The following PPP2R5D variants were observed in gnomAD, a reference collection of about 807,000 sequenced individuals.
PPP2R5D encodes serine/threonine-protein phosphatase 2A 56 kDa regulatory subunit delta isoform.
A neutral mutation model predicts 79.1 loss-of-function variants in PPP2R5D; 12 were observed. That is an observed-to-expected ratio of 0.15 (90% CI 0.10 to 0.25). The LOEUF is 0.25. Ranked by LOEUF, PPP2R5D falls within the 10% of genes least tolerant of loss-of-function variation. PPP2R5D has a pLI of 1.00. For synonymous variants in PPP2R5D, 277 were observed against 286.6 expected (o/e 0.97, Z 0.34); for missense variants, 419 against 760.2 (o/e 0.55, Z 5.28).
At chr6:42,991,969 G>A (rs1414717194) in intron 2 of PPP2R5D, among the ~76,000 whole-genome samples, 2 of 152,194 alleles carry the variant, frequency 1.3e-5, no homozygotes, top group Non-Finnish European at 2.9e-5. Flanking sequence ...TTGTAGAAAT[G>A]TACCCACGTC....
At chr6:42,998,802 A>C (rs1489203191) in intron 2 of PPP2R5D, among the ~76,000 whole-genome samples, 2 of 152,220 alleles carry the variant, frequency 1.3e-5, no homozygotes, top group African/African-American at 4.8e-5. Context: ...TGGGAGGCTG[A>C]GGCAGGCAGA....
intron 2 of PPP2R5D, among the ~76,000 whole-genome samples, chr6:42,992,137 G>C (rs1259151183): frequency 1.3e-5 from 2 of 152,138 alleles, no homozygotes; most frequent in Non-Finnish European, 2.9e-5. Flanking sequence ...TTGGCTCACT[G>C]CAAGTTCCAT....
chr6:42,989,829 G>A, intron 2 of PPP2R5D, 141 bp downstream of exon 2: 1 of 764,460 alleles, frequency 1.3e-6, no homozygotes, highest in Non-Finnish European at 2.1e-6. Flanking sequence ...AGCCCATCCA[G>A]ACTGCCCTCA....
intron 2 of PPP2R5D, among the ~76,000 whole-genome samples, chr6:42,991,396 T>C (rs766049054): frequency 1.3e-5 from 2 of 152,206 alleles, no homozygotes; most frequent in South Asian, 2.1e-4. Flanking sequence ...AGTTCTTAGA[T>C]GGGATGTCGT....
At chr6:42,988,115 A>G (rs3828758) in intron 1 of PPP2R5D, among the ~76,000 whole-genome samples, 44,611 of 151,666 alleles carry the variant, frequency 0.29, 10,410 homozygotes, top group African/African-American at 0.65. Context: ...CTTCCTCCCC[A>G]CCTCCAAGAA....
At chr6:42,994,196 A>G (rs1771471516) in intron 2 of PPP2R5D, among the ~76,000 whole-genome samples, 1 of 152,196 alleles carries the variant, frequency 6.6e-6, no homozygotes, top group South Asian at 2.1e-4. Context: ...AGACTGAGGC[A>G]GGAGAATTGC....
Position 43,008,271 on chromosome 6 carries a change from G to A in PPP2R5D, c.917+11G>A, listed in dbSNP as rs755243916. ...GGAGATCCTGGGCAGGTGAGAGGCC[G>A]GGTGGGGGCACAGATGCCTGAAAAA... On this transcript the variant is annotated intron_variant, in intron 8 of 15. Transcript: ENST00000485511. The surrounding 1 kb of genome is among the most constrained non-coding windows in gnomAD (Gnocchi z 4.2). The A allele has an allele frequency of 1.7e-5, 28 of 1,614,050 alleles. No individual in the cohort carries two copies. The highest frequency in any genetic ancestry group is 1.6e-4 in the Middle Eastern group (1 of 6,082).
Position 43,006,792 on chromosome 6 carries a change from G to C in PPP2R5D, c.322+113G>C. ...GGGAAGGGAGTTCCAGAGAATGCGG[G>C]AAGGGGGTGCCAGGGAGCAGGATGG... is the stretch of plus-strand genomic sequence containing the variant. On this transcript the variant is annotated intron_variant, in intron 3 of 15. Transcript: ENST00000485511. The surrounding 1 kb of genome is among the most constrained non-coding windows in gnomAD (Gnocchi z 4.7). 1 of 1,573,092 alleles carries C rather than the reference G, an allele frequency of 6.4e-7. No individual in the cohort carries two copies. Among genetic ancestry groups the C allele is most frequent in the Non-Finnish European group, 8.7e-7 (1 of 1,153,986 alleles).
At chr6:42,994,924 C>G (rs1771535343) in intron 2 of PPP2R5D, among the ~76,000 whole-genome samples, 1 of 152,020 alleles carries the variant, frequency 6.6e-6, no homozygotes, top group South Asian at 2.1e-4. Context: ...CACACTTCAG[C>G]TTGTCCTCTC....
At chr6:43,004,560 C>G (rs186121165) in intron 2 of PPP2R5D, among the ~76,000 whole-genome samples, 41 of 119,978 alleles carry the variant, frequency 3.4e-4, no homozygotes, top group Non-Finnish European at 3.4e-5. Context: ...ACATTGGATT[C>G]TTTTCCTACT....
In PPP2R5D at chr6:43,008,578, G is replaced by A. The variant is rs1200234244; in HGVS notation, c.1026+103G>A. 2.5e-5 allele frequency: 37 copies of A among 1,478,828 alleles called. No homozygotes were observed. Among genetic ancestry groups the A allele is most frequent in the Middle Eastern group, 3.4e-4 (2 of 5,814 alleles). The allele number at this position is 1,478,828 out of a possible 1,614,324, so 91.6% of individuals were successfully genotyped here. On this transcript the variant is annotated intron_variant, in intron 9 of 15. Coordinates refer to ENST00000485511, the MANE Select transcript of PPP2R5D (RefSeq NM_006245.4). This position sits in a 1 kb window ranked among gnomAD's most constrained non-coding sequence, Gnocchi z 4.2. The stretch of plus-strand genomic sequence containing the variant: ...TAGGGGAAGCATAGGGAGCAGGTGG[G>A]ATAATTCCTTCCCTCCATCTCCCCT...
rs993716077 is a variant in PPP2R5D at position 43,009,927 on chromosome 6, G to A, written c.1379+478G>A. ...CTACTAAAAATACAAAAATTAGCTG[G>A]GTGTAGTGGTGGATGCCTGTAGTCC... On this transcript the variant is annotated intron_variant, in intron 12 of 15. Coordinates refer to ENST00000485511, the MANE Select transcript of PPP2R5D (RefSeq NM_006245.4). This position sits in a 1 kb window ranked among gnomAD's most constrained non-coding sequence, Gnocchi z 5.6. Among the ~76,000 whole-genome samples the A allele has an allele frequency of 4.6e-5, 7 of 152,114 alleles. No homozygotes were observed. The highest frequency in any genetic ancestry group is 1.4e-4 in the African/African-American group (6 of 41,400).
In PPP2R5D at chr6:43,006,934, G is replaced by C; in HGVS notation, c.346G>C (p.Glu116Gln). The change falls in exon 4 of 16, where the codon GAG becomes CAG. Residue 116 changes from glutamate (E) to glutamine (Q), a missense_variant. Physicochemically the swap from Glu to Gln is conservative, Grantham distance 29. Around this residue, in one of 5 missense-constraint regions of PPP2R5D, gnomAD observed 110 missense variants for 147.6 expected, o/e 0.75. Transcript: ENST00000485511. This position sits in a 1 kb window ranked among gnomAD's most constrained non-coding sequence, Gnocchi z 4.7. ...LKDSPTQEREELFIQKLRQCC... is the reference protein window; with the variant it reads ...LKDSPTQEREQLFIQKLRQCC... ...AGATTCGCCAACCCAGGAGCGGGAGGAGCTGTTTATCCAGAAGCTACGCCA... is the reference window on the plus strand; with the variant it reads ...AGATTCGCCAACCCAGGAGCGGGAGCAGCTGTTTATCCAGAAGCTACGCCA... The C allele has an allele frequency of 6.2e-7, 1 of 1,614,078 alleles. No individual in the cohort carries two copies. The highest frequency in any genetic ancestry group is 8.5e-7 in the Non-Finnish European group (1 of 1,180,030).
At chr6:43,000,095 C>T (rs1209700662) in intron 2 of PPP2R5D, among the ~76,000 whole-genome samples, 1 of 151,710 alleles carries the variant, frequency 6.6e-6, no homozygotes, top group African/African-American at 2.4e-5. Context: ...GCCACCACGC[C>T]CAGCTAATTT....
At chr6:43,002,166 CTTTT>C (rs775043995) in intron 2 of PPP2R5D, among the ~76,000 whole-genome samples, 2 of 140,758 alleles carry the variant, frequency 1.4e-5, no homozygotes, top group Non-Finnish European at 1.6e-5. Context: ...TTTGGTTGTT[CTTTT>C]TTTTTTTTTT....
rs951024028 is a variant in PPP2R5D at position 43,007,621 on chromosome 6, T to C, written c.726+115T>C. The C allele has an allele frequency of 2.8e-6, 3 of 1,078,050 alleles. No individual in the cohort carries two copies. Among genetic ancestry groups the C allele is most frequent in the Non-Finnish European group, 4.2e-6 (3 of 717,258 alleles). 66.8% of individuals were successfully genotyped at this position (1,078,050 alleles called of 1,614,324 possible). A position where few individuals can be genotyped will look rare whatever the true frequency, so the allele number is the denominator to read the frequency against. ...TATATTGGGTTTCATCCATGTCTGG[T>C]ACGAGGAGGCTATAAAGGGTAAAAA... On this transcript the variant is annotated intron_variant, in intron 6 of 15. Coordinates refer to ENST00000485511, the MANE Select transcript of PPP2R5D (RefSeq NM_006245.4). This position sits in a 1 kb window ranked among gnomAD's most constrained non-coding sequence, Gnocchi z 4.5.
Position 43,010,856 on chromosome 6 carries a change from C to G in PPP2R5D, c.1555-25C>G. The G allele has an allele frequency of 6.2e-7, 1 of 1,607,348 alleles. No homozygotes were observed. Among genetic ancestry groups the G allele is most frequent in the Non-Finnish European group, 8.5e-7 (1 of 1,174,540 alleles). On this transcript the variant is annotated intron_variant, in intron 14 of 15. Coordinates refer to ENST00000485511, the MANE Select transcript of PPP2R5D (RefSeq NM_006245.4). The surrounding 1 kb of genome is among the most constrained non-coding windows in gnomAD (Gnocchi z 4.7). ...CCCAAGCCTCTGAAGTGGCTCTTAACGCTTGTCCATGTCTCCTCACTCAGT... is the reference window on the plus strand; with the variant it reads ...CCCAAGCCTCTGAAGTGGCTCTTAAGGCTTGTCCATGTCTCCTCACTCAGT...
Position 43,006,953 on chromosome 6 carries a change from T to G in PPP2R5D, c.365T>G (p.Leu122Arg). 1 of 1,614,116 alleles carries G rather than the reference T, an allele frequency of 6.2e-7. No homozygotes were observed. Among genetic ancestry groups the G allele is most frequent in the Non-Finnish European group, 8.5e-7 (1 of 1,180,016 alleles). Residue 122 changes from leucine to arginine, a missense_variant, in exon 4 of 16, where the codon CTA (leucine) becomes CGA (arginine). Coordinates refer to ENST00000485511, the MANE Select transcript of PPP2R5D (RefSeq NM_006245.4). This position sits in a 1 kb window ranked among gnomAD's most constrained non-coding sequence, Gnocchi z 4.7. ...QEREELFIQK[L>R]RQCCVLFDFV... ...CGGGAGGAGCTGTTTATCCAGAAGC[T>G]ACGCCAGTGCTGTGTCCTCTTTGAC... is the stretch of plus-strand genomic sequence containing the variant.
rs1320278596 is a variant in PPP2R5D at position 42,998,052 on chromosome 6, TATATA to T, written c.105+8365_105+8369del. Among the ~76,000 whole-genome samples the T allele has an allele frequency of 2.1e-3, 52 of 24,784 alleles. 1 individual carries two copies. Among genetic ancestry groups the T allele is most frequent in the African/African-American group, 2.8e-3 (20 of 7,146 alleles). 16.3% of individuals were successfully genotyped at this position (24,784 alleles called of 152,430 possible). Reference sequence around the variant, plus strand: ...ATATATATATATATATATATATATATATATATTTTTTTTTTTTTTTTTTTTTTTTT... The same window carrying T: ...ATATATATATATATATATATATATATTTTTTTTTTTTTTTTTTTTTTTTTT... On this transcript the variant is annotated intron_variant, in intron 2 of 15. Transcript: ENST00000485511.
Sources: gnomAD v4.1 joint callset for allele counts (sites outside exome capture counted in the v4.1 genomes callset) on GRCh38, gnomAD v4.1.1 for gene constraint, gnomAD v4.1.1 regional missense constraint, Gnocchi (gnomAD v3.1) non-coding constraint, MANE v1.5 for transcripts, NCBI Gene and HGNC (gene_info 2026-07-23, HGNC 2026-07-21) for gene names.